Variants in KLHL3 observed in about 807,000 individuals in gnomAD.
KLHL3 encodes the protein kelch-like protein 3.
Under a neutral mutation model 70.5 loss-of-function variants are expected in KLHL3, and 19 were observed. The ratio of observed to expected loss-of-function variants is 0.27; its 90% confidence interval spans 0.19 to 0.40. The LOEUF is 0.40. Among genes scored for constraint, KLHL3 ranks in the 10% least tolerant of loss-of-function variants. The probability of loss-of-function intolerance (pLI) is 1.00; values close to 1 mark genes in which losing one functional copy is unlikely to be tolerated. For synonymous variants in KLHL3, 258 were observed against 290.3 expected (o/e 0.89, Z 1.13); for missense variants, 512 against 771.1 (o/e 0.66, Z 3.98).
At chr5:137,644,466 T>C (rs1031784071) in intron 8 of KLHL3, among the ~76,000 whole-genome samples, 2 of 152,258 alleles carry the variant, frequency 1.3e-5, no homozygotes, top group African/African-American at 4.8e-5. Flanking sequence ...TTGTGAATAC[T>C]GCTGAAATAA....
At chr5:137,646,327 C>T (rs1751044714) in intron 8 of KLHL3, among the ~76,000 whole-genome samples, 1 of 152,150 alleles carries the variant, frequency 6.6e-6, no homozygotes, top group Non-Finnish European at 1.5e-5. Context: ...CTCTTATACC[C>T]TGCTGGTGGG....
intron 7 of KLHL3, among the ~76,000 whole-genome samples, chr5:137,660,554 C>G (rs911871945): frequency 6.6e-6 from 1 of 152,118 alleles, no homozygotes; most frequent in Non-Finnish European, 1.5e-5. Flanking sequence ...CATGCATGCC[C>G]CATTTAAGAG....
At chr5:137,646,989 G>T (rs1751064350) in intron 8 of KLHL3, among the ~76,000 whole-genome samples, 1 of 152,198 alleles carries the variant, frequency 6.6e-6, no homozygotes, top group African/African-American at 2.4e-5. Flanking sequence ...AGTCTCAACT[G>T]TCACTGTGTT....
chr5:137,701,343 C>T (rs886438407), intron 3 of KLHL3, among the ~76,000 whole-genome samples: 6 of 152,058 alleles, frequency 3.9e-5, no homozygotes, highest in Admixed American at 1.3e-4. Flanking sequence ...CCACCGTGCC[C>T]GGCCAAAATT....
In KLHL3 at chr5:137,622,006, A is replaced by G; in HGVS notation, c.*92T>C. The G allele has an allele frequency of 1.4e-6, 2 of 1,381,086 alleles. No individual in the cohort carries two copies. Among genetic ancestry groups the G allele is most frequent in the Admixed American group, 1.7e-5 (1 of 59,716 alleles). 85.6% of individuals were successfully genotyped at this position (1,381,086 alleles called of 1,614,324 possible). The stretch of plus-strand genomic sequence containing the variant: ...TTCTCACAGCAGCACAGACCCTCCC[A>G]AGCAAGTTGAATCCAGTCACCAAGG... On this transcript the variant is annotated 3_prime_UTR_variant, in exon 15 of 15. Coordinates refer to ENST00000309755, the MANE Select transcript of KLHL3 (RefSeq NM_017415.3).
rs141570209 is a variant in KLHL3, at chr5:137,675,600, A to G, written c.636+1945T>C. 6.4e-3 allele frequency among the ~76,000 whole-genome samples: 970 copies of G among 152,292 alleles called. 14 individuals are homozygous for G. Among genetic ancestry groups the G allele is most frequent in the African/African-American group, 0.023 (944 of 41,550 alleles). Reference sequence around the variant, plus strand: ...GACTTCTCAAGGTCATACAGCCAGAAAGCAGAGACTAGAACCAGGTTTGCC... The same window carrying G: ...GACTTCTCAAGGTCATACAGCCAGAGAGCAGAGACTAGAACCAGGTTTGCC... On this transcript the variant is annotated intron_variant, in intron 6 of 14. Coordinates refer to ENST00000309755, the MANE Select transcript of KLHL3 (RefSeq NM_017415.3).
intron 3 of KLHL3, among the ~76,000 whole-genome samples, chr5:137,699,251 T>A (rs1231356955): frequency 6.6e-6 from 1 of 152,126 alleles, no homozygotes; most frequent in Non-Finnish European, 1.5e-5. Flanking sequence ...GAATCTGGGA[T>A]CCATTCGTGC....
At chr5:137,653,152 A>C (rs1416947359) in intron 8 of KLHL3, 1 of 151,978 alleles carries the variant, frequency 6.6e-6, no homozygotes, top group African/African-American at 2.4e-5. Context: ...CGGGAGGCTG[A>C]GGCAGGAGAA....
intron 2 of KLHL3, among the ~76,000 whole-genome samples, chr5:137,718,400 C>T (rs530608688): frequency 2.6e-5 from 4 of 152,194 alleles, no homozygotes; most frequent in South Asian, 2.1e-4. Context: ...TGGGAGGCCA[C>T]GGTGGGAGGA....
At chr5:137,637,271 A>G (rs1180512026) in intron 11 of KLHL3, 23 bp downstream of exon 11, 1 of 1,604,264 alleles carries the variant, frequency 6.2e-7, no homozygotes, top group Admixed American at 1.7e-5. Flanking sequence ...AGGCCTGGCC[A>G]CTGGCCACTG....
intron 6 of KLHL3, chr5:137,671,795 A>C (rs915116931): frequency 6.6e-6 from 1 of 152,234 alleles, no homozygotes; most frequent in Middle Eastern, 3.2e-3. Context: ...CCAAGAAGGT[A>C]GGTGCCCTTC....
chr5:137,698,229 GT>G (rs1202086646), intron 4 of KLHL3, 57 bp downstream of exon 4: 1 of 1,592,264 alleles, frequency 6.3e-7, no homozygotes, highest in African/African-American at 1.3e-5. Flanking sequence ...AAATAACGCT[GT>G]AAAATGGTGG....
chr5:137,639,731 GC>G lies in KLHL3; in HGVS notation c.1021+128del, dbSNP rs1750863629. The G allele has an allele frequency of 1.6e-6, 1 of 626,698 alleles. No individual in the cohort carries two copies. Among genetic ancestry groups the G allele is most frequent in the South Asian group, 2.0e-5 (1 of 49,792 alleles). 38.8% of individuals were successfully genotyped at this position (626,698 alleles called of 1,614,324 possible). ...ACAACCAAAAAAAAAAAAAAAGTGT[GC>G]AGGAGGGAAACGAATGGGAGCCTGA... On this transcript the variant is annotated intron_variant, in intron 9 of 14. Transcript: ENST00000309755. The surrounding 1 kb of genome is among the most constrained non-coding windows in gnomAD (Gnocchi z 5.0).
chr5:137,671,376 T>C lies in KLHL3; in HGVS notation c.636+6169A>G, dbSNP rs562202474. 3.3e-5 allele frequency among the ~76,000 whole-genome samples: 5 copies of C among 152,290 alleles called. No individual in the cohort carries two copies. The South Asian group carries it at 1.0e-3, about 32-fold the overall frequency. ...AGGTACTTTCCTTGAACTATAATTA[T>C]AAGCAATTATTTCTCTTGGCCACGT... On this transcript the variant is annotated intron_variant, in intron 6 of 14. Coordinates refer to ENST00000309755, the MANE Select transcript of KLHL3 (RefSeq NM_017415.3).
intron 6 of KLHL3, 129 bp downstream of exon 6, chr5:137,677,416 C>T: frequency 1.6e-6 from 1 of 611,106 alleles, no homozygotes; most frequent in Non-Finnish European, 2.9e-6. Context: ...CCATCGCACT[C>T]CAGCCTGGCC....
intron 12 of KLHL3, chr5:137,628,759 A>C: frequency 5.6e-6 from 1 of 178,090 alleles, no homozygotes; most frequent in East Asian, 1.4e-4. Flanking sequence ...ACATACATAC[A>C]TACATACATA....
chr5:137,699,588 C>T (rs570653967), intron 3 of KLHL3, among the ~76,000 whole-genome samples: 3 of 152,296 alleles, frequency 2.0e-5, no homozygotes, highest in African/African-American at 7.2e-5. Context: ...ACGGCAATAG[C>T]AGCACCACAT....
intron 12 of KLHL3, among the ~76,000 whole-genome samples, chr5:137,633,578 A>T (rs1750695237): frequency 6.6e-6 from 1 of 152,238 alleles, no homozygotes; most frequent in South Asian, 2.1e-4. Context: ...AGTATCCATC[A>T]ATGGCTGATT....
At chr5:137,626,834 T>C (rs1314912343) in intron 13 of KLHL3, among the ~76,000 whole-genome samples, 3 of 152,110 alleles carry the variant, frequency 2.0e-5, no homozygotes, top group Non-Finnish European at 4.4e-5. Context: ...TGAAACCCTG[T>C]CTCTACAAAA....
Sources: allele counts gnomAD v4.1 joint callset (sites outside exome capture counted in the v4.1 genomes callset), GRCh38; gene constraint gnomAD v4.1.1; non-coding constraint Gnocchi (gnomAD v3.1); transcripts MANE v1.5; gene names NCBI Gene and HGNC (gene_info 2026-07-23, HGNC 2026-07-21).